Variants in LYPLAL1 observed in about 807,000 individuals in gnomAD.
LYPLAL1 encodes the protein lysophospholipase like 1, also known as lysophospholipase-like protein 1.
A neutral mutation model predicts 19.7 loss-of-function variants in LYPLAL1; 23 were observed. The observed-to-expected ratio is 1.17, with a 90% CI of 0.84 to 1.65. LYPLAL1 has a LOEUF of 1.65. LYPLAL1 is among the 40% of genes most tolerant of loss of function. The pLI, the probability that LYPLAL1 is intolerant of heterozygous loss-of-function variation, is 0.00. For synonymous variants in LYPLAL1, 119 were observed against 96.3 expected (o/e 1.24, Z -1.38); for missense variants, 355 against 279.4 (o/e 1.27, Z -1.93).
intron 3 of LYPLAL1, among the ~76,000 whole-genome samples, chr1:219,205,615 A>C (rs923519739): frequency 3.3e-5 from 5 of 152,164 alleles, no homozygotes; most frequent in African/African-American, 1.2e-4. Flanking sequence ...CATTTTGTAC[A>C]ATGGGTGTAT....
At chr1:219,215,772 G>C (rs1659271064), downstream of LYPLAL1, among the ~76,000 whole-genome samples, 2 of 152,012 alleles carry the variant, frequency 1.3e-5, no homozygotes, top group Non-Finnish European at 2.9e-5. Flanking sequence ...AGCTCACCCT[G>C]TTTGTTTCCC....
intron 3 of LYPLAL1, among the ~76,000 whole-genome samples, chr1:219,196,306 G>C (rs1027556980): frequency 6.6e-6 from 1 of 152,050 alleles, no homozygotes; most frequent in Non-Finnish European, 1.5e-5. Flanking sequence ...GTGTAAAAGT[G>C]TTCCTGTTTC....
chr1:219,372,797 G>A, the LYPLAL1 span, among the ~76,000 whole-genome samples: 383 of 152,164 alleles, frequency 2.5e-3, 4 homozygotes, highest in African/African-American at 8.9e-3. Context: ...CCAGCTACCC[G>A]GGAGGCTGAG....
At chr1:219,175,211 G>A in intron 1 of LYPLAL1, 1 of 528,178 alleles carries the variant, frequency 1.9e-6, no homozygotes, top group African/African-American at 2.1e-5. Context: ...AAAGCTCTCC[G>A]ACCTCAAACT....
intron 1 of LYPLAL1, among the ~76,000 whole-genome samples, chr1:219,177,946 A>G (rs1412801476): frequency 1.3e-5 from 2 of 152,112 alleles, no homozygotes; most frequent in East Asian, 1.9e-4. Context: ...CAGTTCTTAC[A>G]TGTCATACTG....
the LYPLAL1 span, among the ~76,000 whole-genome samples, chr1:219,372,965 C>A: frequency 1.3e-5 from 2 of 152,048 alleles, no homozygotes; most frequent in Non-Finnish European, 2.9e-5. Flanking sequence ...TTGGCTCAAA[C>A]ATTCAGAGAT....
the LYPLAL1 span, among the ~76,000 whole-genome samples, chr1:219,248,819 A>G: frequency 1.3e-5 from 2 of 152,150 alleles, no homozygotes; most frequent in Admixed American, 6.6e-5. Flanking sequence ...TTATATGTTC[A>G]GTATAGAACT....
the LYPLAL1 span, among the ~76,000 whole-genome samples, chr1:219,244,921 A>AC: frequency 9.3e-4 from 140 of 150,700 alleles, no homozygotes; most frequent in East Asian, 4.1e-3. Flanking sequence ...CAAAAAAAAA[A>AC]AAAAAACAAA....
the LYPLAL1 span, among the ~76,000 whole-genome samples, chr1:219,244,696 A>G: frequency 6.6e-6 from 1 of 152,132 alleles, no homozygotes; most frequent in Non-Finnish European, 1.5e-5. Flanking sequence ...CCGTAATCCC[A>G]GCACTTTGGG....
chr1:219,334,619 G>T, the LYPLAL1 span, among the ~76,000 whole-genome samples: 2 of 150,926 alleles, frequency 1.3e-5, no homozygotes, highest in South Asian at 4.2e-4. Flanking sequence ...GCTGAGTTTT[G>T]ATAAAGAAAT....
chr1:219,317,218 C>T, the LYPLAL1 span, among the ~76,000 whole-genome samples: 3 of 152,156 alleles, frequency 2.0e-5, no homozygotes, highest in Non-Finnish European at 4.4e-5. Flanking sequence ...TTCATGCATT[C>T]TCCATTGCTT....
the LYPLAL1 span, among the ~76,000 whole-genome samples, chr1:219,240,915 C>T: frequency 5.3e-5 from 8 of 151,698 alleles, no homozygotes; most frequent in African/African-American, 1.9e-4. Flanking sequence ...TAAAATGTCA[C>T]CTGGGTGCAG....
chr1:219,183,330 T>A (rs1241051135), intron 2 of LYPLAL1, among the ~76,000 whole-genome samples: 2 of 152,062 alleles, frequency 1.3e-5, no homozygotes, highest in Admixed American at 1.3e-4. Context: ...GGATACAGTT[T>A]ATTATTGTTG....
At chr1:219,268,276 A>G in the LYPLAL1 span, among the ~76,000 whole-genome samples, 4 of 152,174 alleles carry the variant, frequency 2.6e-5, no homozygotes, top group Admixed American at 2.6e-4. Context: ...GGGATAATGT[A>G]TTAAATAAGG....
At chr1:219,278,401 G>A in the LYPLAL1 span, among the ~76,000 whole-genome samples, 1 of 152,120 alleles carries the variant, frequency 6.6e-6, no homozygotes, top group South Asian at 2.1e-4. Flanking sequence ...TCTATTTAAA[G>A]CCTTTATATG....
the LYPLAL1 span, among the ~76,000 whole-genome samples, chr1:219,322,597 G>T: frequency 1.3e-5 from 2 of 152,018 alleles, no homozygotes; most frequent in African/African-American, 4.8e-5. Flanking sequence ...CAAAAAAGGA[G>T]AAATTGTTTA....
the LYPLAL1 span, among the ~76,000 whole-genome samples, chr1:219,246,481 C>T: frequency 2.4e-4 from 36 of 152,220 alleles, no homozygotes; most frequent in Non-Finnish European, 5.1e-4. Context: ...TTACTGATTC[C>T]TTCTTATGCA....
chr1:219,386,364 T>A, the LYPLAL1 span, among the ~76,000 whole-genome samples: 1 of 152,196 alleles, frequency 6.6e-6, no homozygotes, highest in Non-Finnish European at 1.5e-5. Flanking sequence ...TATGACTGAC[T>A]GATGGCTGAT....
chr1:219,227,195 TC>T, the LYPLAL1 span, among the ~76,000 whole-genome samples: 1 of 152,186 alleles, frequency 6.6e-6, no homozygotes, highest in Non-Finnish European at 1.5e-5. Context: ...CAGACGAAAA[TC>T]TCTGCTCTGA....
Sources: allele counts gnomAD v4.1 joint callset (sites outside exome capture counted in the v4.1 genomes callset), GRCh38; gene constraint gnomAD v4.1.1; transcripts MANE v1.5; gene names NCBI Gene and HGNC (gene_info 2026-07-23, HGNC 2026-07-21).